ARNT2: variants seen among roughly 807,000 people sequenced by gnomAD.
ARNT2 encodes aryl hydrocarbon receptor nuclear translocator 2.
ARNT2 carries 36 observed loss-of-function variants against 91.7 expected under a neutral mutation model. The observed-to-expected ratio is 0.39, with a 90% confidence interval of 0.30 to 0.52. The LOEUF (loss-of-function observed/expected upper bound fraction) is 0.52, where lower values mean the gene tolerates loss of function less well. Among genes scored for constraint, ARNT2 ranks in the 20% least tolerant of loss-of-function variants. The pLI, the probability that ARNT2 is intolerant of heterozygous loss-of-function variation, is 0.72. For missense variants in ARNT2, 775 were observed against 939.3 expected, an observed-to-expected ratio of 0.83 and a Z score of 2.29; for synonymous variants, 365 against 347.1, an observed-to-expected ratio of 1.05 and a Z score of -0.57.
At chr15:80,550,586 G>A (rs1199380573) in intron 8 of ARNT2, among the ~76,000 whole-genome samples, 1 of 152,196 alleles carries the variant, frequency 6.6e-6, no homozygotes, top group Non-Finnish European at 1.5e-5. Context: ...CCAAACAGAA[G>A]ACTGTTTTCT....
Position 80,497,867 on chromosome 15 carries a change from A to G in ARNT2, c.623-10289A>G, listed in dbSNP as rs1406317516. Reference sequence around the variant, plus strand: ...TGAGGAAGAAAGGCCTTCTCTCTGGAGCAAGAATTTAAGGGAGAAGGGGGA... The same window carrying G: ...TGAGGAAGAAAGGCCTTCTCTCTGGGGCAAGAATTTAAGGGAGAAGGGGGA... On this transcript the variant is annotated intron_variant, in intron 5 of 18. Transcript: ENST00000303329. 3.9e-5 allele frequency among the ~76,000 whole-genome samples: 6 copies of G among 152,364 alleles called. No individual in the cohort carries two copies. The East Asian group carries it at 1.2e-3, about 29-fold the overall frequency.
At chr15:80,559,011 TC>T (rs767625830) in intron 11 of ARNT2, among the ~76,000 whole-genome samples, 67 of 152,080 alleles carry the variant, frequency 4.4e-4, no homozygotes, top group Non-Finnish European at 8.7e-4. Context: ...AGTGTTGTCT[TC>T]CCCATTTTTT....
At position 80,542,080 on chromosome 15, in the gene ARNT2, G is replaced by A. The variant is rs542745256; in HGVS notation, c.878-9119G>A. ...AGTGTCCTGAGAACATCACACTTAG[G>A]CACATAAAGCATTCATTCCGTTAAT... On this transcript the variant is annotated intron_variant, in intron 8 of 18. Coordinates refer to ENST00000303329, the MANE Select transcript of ARNT2 (RefSeq NM_014862.4). Among the ~76,000 whole-genome samples the A allele has an allele frequency of 2.0e-4, 30 of 152,264 alleles. 1 individual carries two copies. In the South Asian group the frequency reaches 6.0e-3, roughly 31 times the overall value.
chr15:80,511,834 C>T (rs1897347175), intron 6 of ARNT2, among the ~76,000 whole-genome samples: 1 of 151,900 alleles, frequency 6.6e-6, no homozygotes. Flanking sequence ...GCAAAGGGAA[C>T]AAGAGAGGGC....
At chr15:80,492,313 T>G (rs1481290456) in intron 5 of ARNT2, among the ~76,000 whole-genome samples, 50 of 152,186 alleles carry the variant, frequency 3.3e-4, no homozygotes, top group Non-Finnish European at 4.4e-5. Flanking sequence ...GCTGGGATTA[T>G]GGGCATGAGC....
chr15:80,419,966 G>A (rs186480453), intron 1 of ARNT2, among the ~76,000 whole-genome samples: 50 of 152,254 alleles, frequency 3.3e-4, no homozygotes, highest in African/African-American at 1.1e-3. Flanking sequence ...GGTGGGCTCC[G>A]TCTGAGTTGG....
chr15:80,517,687 T>C (rs551035027), intron 8 of ARNT2, among the ~76,000 whole-genome samples: 58 of 151,766 alleles, frequency 3.8e-4, no homozygotes, highest in African/African-American at 1.1e-3. Context: ...AAGTTTCAAA[T>C]TGATATATCT....
intron 4 of ARNT2, among the ~76,000 whole-genome samples, chr15:80,470,878 A>G (rs759929354): frequency 3.3e-5 from 5 of 152,226 alleles, no homozygotes; most frequent in Non-Finnish European, 5.9e-5. Context: ...TCAAAAAGTA[A>G]CAGATGCTAG....
rs781018785 is a variant in ARNT2, at chr15:80,576,974, C to G, written c.1613+9C>G. The G allele has an allele frequency of 5.0e-6, 8 of 1,613,240 alleles. No individual in the cohort carries two copies. Among genetic ancestry groups the G allele is most frequent in the Non-Finnish European group, 6.8e-6 (8 of 1,179,420 alleles). ...TCCGGGAAGGCCTTCAGGTATGTGC[C>G]AGCGAGGGGGACAATGGCGTGGGAA... On this transcript the variant is annotated intron_variant, in intron 15 of 18. Transcript: ENST00000303329.
rs150647994 is a variant in ARNT2 at position 80,527,394 on chromosome 15, A to G, written c.877+12989A>G. 8.3e-3 allele frequency among the ~76,000 whole-genome samples: 1,264 copies of G among 152,322 alleles called. 14 individuals carry two copies. Among genetic ancestry groups the G allele is most frequent in the African/African-American group, 0.029 (1,206 of 41,564 alleles). On this transcript the variant is annotated intron_variant, in intron 8 of 18. Coordinates refer to ENST00000303329, the MANE Select transcript of ARNT2 (RefSeq NM_014862.4). Reference sequence around the variant, plus strand: ...GTACCAAGACTGGCTTTTCCTTGCTACACACTGTGGCCAAGCCCTACTGAA... The same window carrying G: ...GTACCAAGACTGGCTTTTCCTTGCTGCACACTGTGGCCAAGCCCTACTGAA...
rs138032243 is a variant in ARNT2, at chr15:80,499,763, A to G, written c.623-8393A>G. Among the ~76,000 whole-genome samples the G allele has an allele frequency of 5.7e-4, 87 of 152,352 alleles. 1 individual carries two copies. In the East Asian group the frequency reaches 0.016, roughly 28 times the overall value. ...TTGGCCCAGGGTGTGTCAGGTGCTCAGTCCTCAACCAATCACTATGGCGAG... is the reference window on the plus strand; with the variant it reads ...TTGGCCCAGGGTGTGTCAGGTGCTCGGTCCTCAACCAATCACTATGGCGAG... On this transcript the variant is annotated intron_variant, in intron 5 of 18. Coordinates refer to ENST00000303329, the MANE Select transcript of ARNT2 (RefSeq NM_014862.4).
intron 17 of ARNT2, among the ~76,000 whole-genome samples, chr15:80,589,021 A>T (rs529619480): frequency 2.6e-4 from 40 of 152,328 alleles, no homozygotes; most frequent in African/African-American, 9.4e-4. Flanking sequence ...GAGTCAGTTG[A>T]TGAGATTAGA....
At chr15:80,566,383 C>A (rs905111171) in intron 12 of ARNT2, among the ~76,000 whole-genome samples, 2 of 152,178 alleles carry the variant, frequency 1.3e-5, no homozygotes, top group African/African-American at 4.8e-5. Context: ...TGGCATCTAG[C>A]AGAGGCAAAG....
At chr15:80,585,035 A>G (rs568153006) in intron 17 of ARNT2, among the ~76,000 whole-genome samples, 3 of 152,090 alleles carry the variant, frequency 2.0e-5, no homozygotes, top group Non-Finnish European at 4.4e-5. Flanking sequence ...AGTGAGAAAA[A>G]ACGCCCCTGC....
intron 1 of ARNT2, among the ~76,000 whole-genome samples, chr15:80,439,769 A>T (rs1369270274): frequency 6.6e-6 from 1 of 152,164 alleles, no homozygotes; most frequent in Non-Finnish European, 1.5e-5. Context: ...AGTCATTGAG[A>T]ACTGGCCTCT....
intron 10 of ARNT2, 132 bp downstream of exon 10, chr15:80,552,906 G>A (rs984114082): frequency 9.2e-7 from 1 of 1,084,414 alleles, no homozygotes; most frequent in South Asian, 1.9e-5. Context: ...ACCCTGCCTA[G>A]ATAGAACGAT....
intron 12 of ARNT2, 24 bp downstream of exon 12, chr15:80,563,263 T>C (rs765758088): frequency 1.2e-6 from 2 of 1,613,230 alleles, no homozygotes; most frequent in Admixed American, 1.7e-5. Flanking sequence ...CATTTCCCTC[T>C]CCTGGAATCC....
intron 17 of ARNT2, among the ~76,000 whole-genome samples, chr15:80,587,655 G>A (rs1404902808): frequency 7.2e-5 from 11 of 152,174 alleles, no homozygotes; most frequent in Non-Finnish European, 1.3e-4. Flanking sequence ...ATTCTGACCC[G>A]TGGTCTGAAA....
At chr15:80,415,689 T>C (rs1335157082) in intron 1 of ARNT2, among the ~76,000 whole-genome samples, 6 of 152,136 alleles carry the variant, frequency 3.9e-5, no homozygotes, top group Non-Finnish European at 7.4e-5. Flanking sequence ...ATCTTTCAGA[T>C]ACTTAGGAGG....
Sources: allele counts gnomAD v4.1 joint callset (sites outside exome capture counted in the v4.1 genomes callset), GRCh38; gene constraint gnomAD v4.1.1; transcripts MANE v1.5; gene names NCBI Gene and HGNC (gene_info 2026-07-23, HGNC 2026-07-21).